Variants in TECTA observed in about 807,000 individuals in gnomAD.
TECTA encodes the protein alpha-tectorin.
A neutral mutation model predicts 216.8 loss-of-function variants in TECTA; 128 were observed. That is an observed-to-expected ratio of 0.59 (90% CI 0.51 to 0.68). The LOEUF is 0.68. Among genes scored for constraint, TECTA ranks in the 30% least tolerant of loss-of-function variants. The pLI, the probability that TECTA is intolerant of heterozygous loss-of-function variation, is 0.00. For synonymous variants in TECTA, 1,089 were observed against 1,117.1 expected (o/e 0.97, Z 0.50); for missense variants, 2,551 against 2,786.2 (o/e 0.92, Z 1.90).
intron 4 of TECTA, among the ~76,000 whole-genome samples, chr11:121,111,830 G>A (rs1231764857): frequency 6.6e-6 from 1 of 152,188 alleles, no homozygotes; most frequent in Admixed American, 6.5e-5. Flanking sequence ...GAGACTGAAG[G>A]CGTTTACCTG....
chr11:121,185,196 G>T (rs1432871363), intron 20 of TECTA, among the ~76,000 whole-genome samples: 1 of 152,230 alleles, frequency 6.6e-6, no homozygotes, highest in African/African-American at 2.4e-5. Flanking sequence ...CTTTATGTAG[G>T]TGAATCCATC....
Position 121,168,201 on chromosome 11 carries a change from G to T in TECTA, c.5734G>T (p.Val1912Leu). The change falls in exon 19 of 24, where the codon GTG becomes TTG. Residue 1912 changes from valine (V) to leucine (L), a missense_variant. Val to Leu is a conservative substitution (Grantham distance 32, BLOSUM62 1). Around this residue, in one of 3 missense-constraint regions of TECTA, gnomAD observed 2,375 missense variants for 2,563.9 expected, o/e 0.93. Transcript: ENST00000392793. ...TATCAAGATCTCCTTGGATTCTGTT[G>T]TGAAGCCTATGCTAAGGTAAGGTGT... ...LDIKISLDSVVKPMLSVINLT... is the reference protein window; with the variant it reads ...LDIKISLDSVLKPMLSVINLT... 3 of 1,614,210 alleles carry T rather than the reference G, an allele frequency of 1.9e-6. No individual in the cohort carries two copies. The highest frequency in any genetic ancestry group is 1.7e-6 in the Non-Finnish European group (2 of 1,180,028).
At chr11:121,163,237 AC>A (rs1390396944) in intron 16 of TECTA, among the ~76,000 whole-genome samples, 1 of 152,202 alleles carries the variant, frequency 6.6e-6, no homozygotes, top group Non-Finnish European at 1.5e-5. Flanking sequence ...GAGCCTAAAA[AC>A]AATGCAGTTA....
chr11:121,168,539 A>T, intron 19 of TECTA, 138 bp from the exon 20 acceptor site: 1 of 1,242,504 alleles, frequency 8.0e-7, no homozygotes, highest in South Asian at 1.3e-5. Context: ...GCTAGCAGGT[A>T]CTGTATTGGA....
At chr11:121,165,097 C>T (rs1341979527) in intron 16 of TECTA, among the ~76,000 whole-genome samples, 176 bp from the exon 17 acceptor site, 1 of 152,218 alleles carries the variant, frequency 6.6e-6, no homozygotes, top group Non-Finnish European at 1.5e-5. Flanking sequence ...ACAGCAAGCA[C>T]CTATGTGCTA....
chr11:121,184,729 A>G (rs1947263796), intron 20 of TECTA, among the ~76,000 whole-genome samples: 1 of 152,184 alleles, frequency 6.6e-6, no homozygotes, highest in Non-Finnish European at 1.5e-5. Flanking sequence ...CCGACTCCCT[A>G]AGTGACCAGG....
At chr11:121,176,701 C>A (rs1274131671) in intron 20 of TECTA, among the ~76,000 whole-genome samples, 1 of 149,866 alleles carries the variant, frequency 6.7e-6, no homozygotes, top group Non-Finnish European at 1.5e-5. Context: ...CTCTGTATTT[C>A]CTGAATCTGA....
Position 121,109,339 on chromosome 11 carries a change from C to G in TECTA, c.327C>G (p.Gly109=). ...CAGATGTGCACAATGGAATTCGAGG[C>G]GAGATCTATTACAGAGAGACCATGG... ...FWADVHNGIR[G]EIYYRETMEP... is the part of the protein sequence containing the mutation. The change falls in exon 4 of 24, where the codon GGC becomes GGG. Residue 109 remains glycine (G), a synonymous_variant. Coordinates refer to ENST00000392793, the MANE Select transcript of TECTA (RefSeq NM_005422.4). 1 of 1,614,106 alleles carries G rather than the reference C, an allele frequency of 6.2e-7. No individual in the cohort carries two copies. The highest frequency in any genetic ancestry group is 1.1e-5 in the South Asian group (1 of 91,072).
chr11:121,168,976 G>T (rs1286862054), intron 20 of TECTA, 51 bp downstream of exon 20: 5 of 1,613,210 alleles, frequency 3.1e-6, no homozygotes, highest in Non-Finnish European at 4.2e-6. Context: ...GTATAATATT[G>T]TCCTCATCAT....
At chr11:121,107,021 A>G (rs888341999) in intron 3 of TECTA, among the ~76,000 whole-genome samples, 2 of 152,188 alleles carry the variant, frequency 1.3e-5, no homozygotes, top group Non-Finnish European at 2.9e-5. Flanking sequence ...TAATCAAGAC[A>G]CACGTGAGTC....
intron 16 of TECTA, 128 bp from the exon 17 acceptor site, chr11:121,165,145 T>A: frequency 1.1e-6 from 1 of 887,812 alleles, no homozygotes; most frequent in South Asian, 1.4e-5. Context: ...GCCCTGTCTG[T>A]TAACTGGCAG....
intron 20 of TECTA, among the ~76,000 whole-genome samples, chr11:121,179,546 T>C (rs1347338128): frequency 6.6e-6 from 1 of 152,188 alleles, no homozygotes; most frequent in Non-Finnish European, 1.5e-5. Context: ...GCCTGTTAAG[T>C]CCATTTGGTC....
In TECTA at chr11:121,101,456, T is replaced by C; in HGVS notation, c.-2+14T>C. ...TCTACAGAACAGGTTAGTGACATTT[T>C]TCATAAATACAAATATCTAAATGAA... On this transcript the variant is annotated intron_variant, in intron 1 of 23. Transcript: ENST00000392793. 6.6e-6 allele frequency: 1 copy of C among 152,326 alleles called. No individual in the cohort carries two copies. The highest frequency in any genetic ancestry group is 1.9e-4 in the East Asian group (1 of 5,190). 9.4% of individuals were successfully genotyped at this position (152,326 alleles called of 1,614,324 possible).
chr11:121,168,848 C>A lies in TECTA; in HGVS notation c.5922C>A (p.Ile1974=), dbSNP rs868659131. 6.2e-7 allele frequency: 1 copy of A among 1,614,072 alleles called. No individual in the cohort carries two copies. Among genetic ancestry groups the A allele is most frequent in the South Asian group, 1.1e-5 (1 of 91,058 alleles). ...TTGGAGCTGACGCCACACATTTAAT[C>A]CTAACACTCAACAAATGCTATGCCA... The part of the protein sequence containing the change: ...FVVGADATHL[I]LTLNKCYATP... Residue 1974 remains isoleucine, a synonymous_variant, in exon 20 of 24, where the codon ATC becomes ATA. Coordinates refer to ENST00000392793, the MANE Select transcript of TECTA (RefSeq NM_005422.4).
intron 20 of TECTA, among the ~76,000 whole-genome samples, chr11:121,177,090 A>G (rs1362927316): frequency 1.3e-5 from 2 of 152,074 alleles, no homozygotes; most frequent in Admixed American, 6.5e-5. Flanking sequence ...ATTTTTTTCA[A>G]AGTTTTCAAC....
chr11:121,180,763 C>T (rs1947219149), intron 20 of TECTA, among the ~76,000 whole-genome samples: 2 of 146,904 alleles, frequency 1.4e-5, no homozygotes, highest in Admixed American at 1.4e-4. Context: ...TATTTGGTCA[C>T]TTTATGATGT....
At chr11:121,117,982 A>G (rs1034857999) in intron 6 of TECTA, among the ~76,000 whole-genome samples, 1 of 152,232 alleles carries the variant, frequency 6.6e-6, no homozygotes, top group Non-Finnish European at 1.5e-5. Flanking sequence ...ACCCTTTTCC[A>G]TGGATTCATG....
Position 121,129,828 on chromosome 11 carries a change from A to T in TECTA, c.2558A>T (p.Asn853Ile). The T allele has an allele frequency of 6.2e-7, 1 of 1,614,220 alleles. No individual in the cohort carries two copies. Among genetic ancestry groups the T allele is most frequent in the Non-Finnish European group, 8.5e-7 (1 of 1,180,044 alleles). Residue 853 changes from asparagine (N) to isoleucine (I), a missense_variant, in exon 10 of 24, where the codon AAT (asparagine) becomes ATT (isoleucine). By Grantham distance (149) the Asn-to-Ile change is moderately radical. Transcript: ENST00000392793. Reference sequence around the variant, plus strand: ...ACAGGGGGCTTGTGCGGCTTCTACAATGCCAACGCCAGTGACGAGTTCTGT... The same window carrying T: ...ACAGGGGGCTTGTGCGGCTTCTACATTGCCAACGCCAGTGACGAGTTCTGT... ...NCTGGLCGFY[N>I]ANASDEFCLP... is the part of the protein sequence containing the mutation.
chr11:121,157,335 T>C (rs1946951233), intron 13 of TECTA, among the ~76,000 whole-genome samples: 1 of 152,102 alleles, frequency 6.6e-6, no homozygotes, highest in Admixed American at 6.5e-5. Flanking sequence ...GCCGGGGTGG[T>C]GGCTCATACC....
Sources: gnomAD v4.1 joint callset for allele counts (sites outside exome capture counted in the v4.1 genomes callset) on GRCh38, gnomAD v4.1.1 for gene constraint, gnomAD v4.1.1 regional missense constraint, MANE v1.5 for transcripts, NCBI Gene and HGNC (gene_info 2026-07-23, HGNC 2026-07-21) for gene names.